The following RPS3 variants were observed in gnomAD, a reference collection of about 807,000 sequenced individuals.
RPS3 encodes the protein small ribosomal subunit protein uS3.
RPS3 carries 2 observed loss-of-function variants against 25.8 expected under a neutral mutation model. The ratio of observed to expected loss-of-function variants is 0.08; its 90% CI spans 0.03 to 0.24. The LOEUF (loss-of-function observed/expected upper bound fraction) is 0.24, where lower values mean the gene tolerates loss of function less well. Ranked by LOEUF, RPS3 falls within the 10% of genes least tolerant of loss-of-function variation. The pLI is 1.00. For missense variants in RPS3, 107 were observed against 307.1 expected (o/e 0.35, Z 4.87); for synonymous variants, 114 against 114.2 (o/e 1.00, Z 0.01).
rs1592021511 is a variant in RPS3 at position 75,401,823 on chromosome 11, A to G, written c.255+90A>G. The G allele has an allele frequency of 3.7e-5, 29 of 784,378 alleles. No individual in the cohort carries two copies. The East Asian group carries it at 7.1e-4, about 19-fold the overall frequency. 48.6% of individuals were successfully genotyped at this position (784,378 alleles called of 1,614,324 possible). A position where few individuals can be genotyped will look rare whatever the true frequency, so the allele number is the denominator to read the frequency against. ...ACTTGGAGACTTTAATTGTTTGTTC[A>G]TTACAAATGGACTGGTATAACTGTT... On this transcript the variant is annotated intron_variant, in intron 3 of 6. Coordinates refer to ENST00000531188, the MANE Select transcript of RPS3 (RefSeq NM_001005.5).
intron 6 of RPS3, among the ~76,000 whole-genome samples, chr11:75,412,215 C>G (rs1282443813): frequency 6.6e-6 from 1 of 152,218 alleles, no homozygotes; most frequent in African/African-American, 2.4e-5. Context: ...CTTCCCTGAT[C>G]TGGCTCTTGC....
Position 75,404,317 on chromosome 11 carries a change from T to C in RPS3, c.538+110T>C. ...TCATGGAAGTAGCTGGGCATGTTCA[T>C]ATTCCTTGGTGTATCGATTGCCACG... is the stretch of plus-strand genomic sequence containing the variant. On this transcript the variant is annotated intron_variant, in intron 5 of 6. Coordinates refer to ENST00000531188, the MANE Select transcript of RPS3 (RefSeq NM_001005.5). The surrounding 1 kb of genome is among the most constrained non-coding windows in gnomAD (Gnocchi z 4.6). 9.9e-7 allele frequency: 1 copy of C among 1,011,740 alleles called. No individual in the cohort carries two copies. The highest frequency in any genetic ancestry group is 1.5e-6 in the Non-Finnish European group (1 of 652,218). 62.7% of individuals were successfully genotyped at this position (1,011,740 alleles called of 1,614,324 possible). A position where few individuals can be genotyped will look rare whatever the true frequency, so the allele number is the denominator to read the frequency against.
intron 6 of RPS3, among the ~76,000 whole-genome samples, chr11:75,417,288 A>G (rs1186891773): frequency 6.6e-6 from 1 of 152,086 alleles, no homozygotes; most frequent in African/African-American, 2.4e-5. Context: ...TGGGCAACAT[A>G]GCCAGACTCC....
chr11:75,410,618 T>C (rs1230696773), downstream of RPS3, among the ~76,000 whole-genome samples: 1 of 152,218 alleles, frequency 6.6e-6, no homozygotes, highest in Non-Finnish European at 1.5e-5. Context: ...ATCTCGGCAC[T>C]TTGGGAGGCC....
rs1948257156 is a variant in RPS3, at chr11:75,404,560, G to A, written c.539-112G>A. ...TTGATCGATTTAGAGGCATTTGTCT[G>A]AGAAGGGTCCAGACCCAGGGGTGCT... is the stretch of plus-strand genomic sequence containing the variant. On this transcript the variant is annotated intron_variant, in intron 5 of 6. Transcript: ENST00000531188. This position sits in a 1 kb window ranked among gnomAD's most constrained non-coding sequence, Gnocchi z 4.6. 9.7e-7 allele frequency: 1 copy of A among 1,028,814 alleles called. No homozygotes were observed. Among genetic ancestry groups the A allele is most frequent in the South Asian group, 1.3e-5 (1 of 78,598 alleles). The allele number at this position is 1,028,814 out of a possible 1,614,324, so 63.7% of individuals were successfully genotyped here. A position where few individuals can be genotyped will look rare whatever the true frequency, so the allele number is the denominator to read the frequency against.
At chr11:75,410,212 GACGCTCCTC>G (rs1286037495), downstream of RPS3, among the ~76,000 whole-genome samples, 1 of 151,868 alleles carries the variant, frequency 6.6e-6, no homozygotes, top group African/African-American at 2.4e-5. Flanking sequence ...GCCGGGCGGA[GACGCTCCTC>G]ACTTCCCAGA....
At chr11:75,416,458 C>CTTTTTTTTTTTTTTTTTTTTT (rs72030839) in intron 6 of RPS3, among the ~76,000 whole-genome samples, 1 of 125,976 alleles carries the variant, frequency 7.9e-6, no homozygotes. Context: ...TTGATTATTT[C>CTTTTTTTTTTTTTTTTTTTTT]TATTTTTTTT....
At chr11:75,415,845 A>G (rs1013897400) in intron 6 of RPS3, among the ~76,000 whole-genome samples, 85 of 148,286 alleles carry the variant, frequency 5.7e-4, no homozygotes, top group African/African-American at 2.1e-3. Context: ...GTGTGGTGGC[A>G]CATGCCTGTA....
chr11:75,401,957 G>A, intron 3 of RPS3: 1 of 568,800 alleles, frequency 1.8e-6, no homozygotes, highest in East Asian at 2.9e-5. Flanking sequence ...TGCATATGAT[G>A]GATTAACTGT....
chr11:75,399,841 G>T, intron 1 of RPS3: 1 of 550,376 alleles, frequency 1.8e-6, no homozygotes. Context: ...GTGAGCATTT[G>T]TCGGTCAACG....
chr11:75,400,273 G>A (rs1565162616), intron 1 of RPS3: 2 of 443,432 alleles, frequency 4.5e-6, no homozygotes, highest in Non-Finnish European at 8.9e-6. Flanking sequence ...GAGCTTATAT[G>A]TTAAGTCTAC....
intron 1 of RPS3, among the ~76,000 whole-genome samples, chr11:75,400,130 T>C (rs1363521525): frequency 6.6e-6 from 1 of 152,242 alleles, no homozygotes; most frequent in Non-Finnish European, 1.5e-5. Context: ...TGTCATTTCG[T>C]ATATACACTT....
rs111698466 is a variant in RPS3, at chr11:75,418,617, T to G, written c.*4-3110T>G. 1.6e-3 allele frequency among the ~76,000 whole-genome samples: 247 copies of G among 152,118 alleles called. 6 individuals carry two copies. Among genetic ancestry groups the G allele is most frequent in the African/African-American group, 5.3e-3 (222 of 41,506 alleles). ...ATTTGAGAATAAATTGGTCTCGAAT[T>G]AAAAAAAAATTTTAGAATGTCAAGA... On this transcript the variant is annotated intron_variant, in intron 6 of 6. Transcript: ENST00000527446.
intron 6 of RPS3, among the ~76,000 whole-genome samples, chr11:75,419,675 C>T (rs1364231395): frequency 6.6e-6 from 1 of 151,750 alleles, no homozygotes; most frequent in Non-Finnish European, 1.5e-5. Context: ...CCTCTCTAGC[C>T]CAGGTTGGAG....
chr11:75,418,236 C>T (rs767423149), intron 6 of RPS3, among the ~76,000 whole-genome samples: 59 of 152,242 alleles, frequency 3.9e-4, no homozygotes, highest in African/African-American at 1.3e-3. Flanking sequence ...ATCCATCTGG[C>T]TGGGGCAATG....
At chr11:75,401,509 T>C (rs529145788) in intron 2 of RPS3, 131 bp from the exon 3 acceptor site, 2 of 673,142 alleles carry the variant, frequency 3.0e-6, no homozygotes, top group South Asian at 1.9e-5. Flanking sequence ...AGCTGCGTTT[T>C]AAAAATTTTA....
At chr11:75,400,575 A>G (rs760802047) in intron 1 of RPS3, 119 bp from the exon 2 acceptor site, 2 of 1,424,446 alleles carry the variant, frequency 1.4e-6, no homozygotes, top group East Asian at 4.9e-5. Flanking sequence ...GTTTGGAACC[A>G]TTGGTTGGAG....
At chr11:75,402,944 C>A (rs1311114998) in intron 4 of RPS3, 2 of 152,340 alleles carry the variant, frequency 1.3e-5, no homozygotes, top group African/African-American at 4.8e-5. Flanking sequence ...ATAAGATAGA[C>A]CTGATGCAAA....
intron 6 of RPS3, chr11:75,405,332 T>A (rs1380359750): frequency 3.9e-6 from 1 of 256,706 alleles, no homozygotes; most frequent in Non-Finnish European, 7.6e-6. Flanking sequence ...TGTGCTTGGC[T>A]GCTCAAGATT....
Sources: gnomAD v4.1 joint callset for allele counts (sites outside exome capture counted in the v4.1 genomes callset) on GRCh38, gnomAD v4.1.1 for gene constraint, Gnocchi (gnomAD v3.1) non-coding constraint, MANE v1.5 for transcripts, NCBI Gene and HGNC (gene_info 2026-07-23, HGNC 2026-07-21) for gene names.